Variants in ADNP2 observed in about 807,000 individuals in gnomAD.
The protein encoded by ADNP2 is activity-dependent neuroprotector homeobox protein 2.
Under a neutral mutation model 16.4 loss-of-function variants are expected in ADNP2, and 8 were observed. The ratio of observed to expected loss-of-function variants is 0.49; its 90% CI spans 0.29 to 0.88. The LOEUF (loss-of-function observed/expected upper bound fraction) is 0.88, where lower values mean the gene tolerates loss of function less well. Among genes scored for constraint, ADNP2 ranks in the 40% least tolerant of loss-of-function variants. ADNP2 has a pLI of 0.09. For missense variants in ADNP2, 1,397 were observed against 1,395.1 expected (o/e 1.00, Z -0.02); for synonymous variants, 637 against 545.8 (o/e 1.17, Z -2.33).
At chr18:80,129,226 C>T (rs1291320148) in intron 2 of ADNP2, among the ~76,000 whole-genome samples, 1 of 151,602 alleles carries the variant, frequency 6.6e-6, no homozygotes, top group Non-Finnish European at 1.5e-5. Context: ...GCCTCAGCCT[C>T]CCATGTAGCT....
intron 2 of ADNP2, among the ~76,000 whole-genome samples, chr18:80,130,319 C>G (rs923451847): frequency 6.6e-6 from 1 of 152,202 alleles, no homozygotes; most frequent in African/African-American, 2.4e-5. Flanking sequence ...TCTGAATGCA[C>G]TGTTACCTCA....
chr18:80,120,914 C>G (rs1427952341), intron 2 of ADNP2, among the ~76,000 whole-genome samples: 1 of 152,152 alleles, frequency 6.6e-6, no homozygotes, highest in East Asian at 1.9e-4. Flanking sequence ...CACCTTTTGT[C>G]TCTTGTGAAT....
intron 2 of ADNP2, among the ~76,000 whole-genome samples, chr18:80,120,991 A>G (rs1045176650): frequency 1.3e-5 from 2 of 152,150 alleles, no homozygotes; most frequent in African/African-American, 4.8e-5. Context: ...TTTTGGGTGT[A>G]TATACCTAGG....
At chr18:80,118,197 G>A (rs7231580) in intron 2 of ADNP2, among the ~76,000 whole-genome samples, 38,585 of 152,114 alleles carry the variant, frequency 0.25, 6,415 homozygotes, top group Non-Finnish European at 0.38. Context: ...GGCTGAGGTG[G>A]ATGGATCATT....
intron 2 of ADNP2, among the ~76,000 whole-genome samples, chr18:80,127,676 G>A (rs2052469598): frequency 1.3e-5 from 2 of 152,048 alleles, no homozygotes; most frequent in African/African-American, 2.4e-5. Context: ...GCTAGAGTTT[G>A]TTGTTTCCTT....
intron 2 of ADNP2, 97 bp downstream of exon 2, chr18:80,117,747 T>C (rs912066838): frequency 1.2e-6 from 1 of 869,452 alleles, no homozygotes; most frequent in Non-Finnish European, 1.8e-6. Flanking sequence ...AAATTGCTGT[T>C]ATACTTCAGA....
intron 1 of ADNP2, among the ~76,000 whole-genome samples, chr18:80,115,775 T>C (rs1448132921): frequency 6.6e-6 from 1 of 152,076 alleles, no homozygotes; most frequent in African/African-American, 2.4e-5. Flanking sequence ...GCAGCCACTG[T>C]TGTGCTTTTT....
In ADNP2 at chr18:80,139,501, CAA is replaced by C. The variant is rs950527330; in HGVS notation, c.*693_*694del. On this transcript the variant is annotated 3_prime_UTR_variant, in exon 4 of 4. Transcript: ENST00000262198. ...GTATGCTGGTATGTAGCTCATACAT[CAA>C]GAGTTATTTTACAAATAAATTTATT... is the stretch of plus-strand genomic sequence containing the variant. 2.6e-5 allele frequency: 4 copies of C among 152,072 alleles called. No individual in the cohort carries two copies. The highest frequency in any genetic ancestry group is 4.2e-4 in the South Asian group (2 of 4,792). The allele number at this position is 152,072 out of a possible 1,614,324, so 9.4% of individuals were successfully genotyped here.
Position 80,136,668 on chromosome 18 carries a change from C to A in ADNP2, c.1255C>A (p.Leu419Ile), listed in dbSNP as rs2052537870. 6.2e-7 allele frequency: 1 copy of A among 1,613,492 alleles called. No individual in the cohort carries two copies. Among genetic ancestry groups the A allele is most frequent in the Non-Finnish European group, 8.5e-7 (1 of 1,179,586 alleles). ...PINRPVGPGV[L>I]PVSPSVTPGV... ...AAACAGACCTGTTGGGCCTGGTGTTCTTCCTGTGAGCCCCTCTGTCACCCC... is the reference window on the plus strand; with the variant it reads ...AAACAGACCTGTTGGGCCTGGTGTTATTCCTGTGAGCCCCTCTGTCACCCC... Residue 419 changes from leucine to isoleucine, a missense_variant, in exon 4 of 4, where the codon CTT (leucine) becomes ATT (isoleucine). Physicochemically the swap from Leu to Ile is conservative, Grantham distance 5. This residue lies in a region of ADNP2 where 777 missense variants were observed against 719.4 expected (regional missense o/e 1.08). Transcript: ENST00000262198.
At chr18:80,123,058 A>T (rs1162199536) in intron 2 of ADNP2, among the ~76,000 whole-genome samples, 1 of 151,926 alleles carries the variant, frequency 6.6e-6, no homozygotes, top group African/African-American at 2.4e-5. Context: ...TCTTTGTGCC[A>T]ATTGTGATAA....
In ADNP2 at chr18:80,138,513, G is replaced by A. The variant is rs937743050; in HGVS notation, c.3100G>A (p.Glu1034Lys). ...SRTEGPIVKDEALQILALDPK... is the reference protein window; with the variant it reads ...SRTEGPIVKDKALQILALDPK... ...AACAGAGGGACCTATTGTCAAGGACGAGGCTCTTCAGATTTTAGCATTAGA... is the reference window on the plus strand; with the variant it reads ...AACAGAGGGACCTATTGTCAAGGACAAGGCTCTTCAGATTTTAGCATTAGA... Residue 1034 changes from glutamate to lysine, a missense_variant, in exon 4 of 4, where the codon GAG becomes AAG. Glu to Lys is a moderately conservative substitution (Grantham distance 56). Coordinates refer to ENST00000262198, the MANE Select transcript of ADNP2 (RefSeq NM_014913.4). 6 of 1,613,976 alleles carry A rather than the reference G, an allele frequency of 3.7e-6. No homozygotes were observed. The highest frequency in any genetic ancestry group is 2.2e-5 in the East Asian group (1 of 44,890).
chr18:80,120,179 A>G (rs897510387), intron 2 of ADNP2, among the ~76,000 whole-genome samples: 2 of 152,230 alleles, frequency 1.3e-5, no homozygotes, highest in African/African-American at 2.4e-5. Flanking sequence ...ATGTCCCATC[A>G]GAGTTCACTT....
rs1458987942 is a variant in ADNP2 at position 80,138,801 on chromosome 18, G to C, written c.3388G>C (p.Glu1130Gln). The C allele has an allele frequency of 1.4e-6, 2 of 1,434,522 alleles. No homozygotes were observed. The highest frequency in any genetic ancestry group is 9.1e-7 in the Non-Finnish European group (1 of 1,095,274). 88.9% of individuals were successfully genotyped at this position (1,434,522 alleles called of 1,614,324 possible). A position where few individuals can be genotyped will look rare whatever the true frequency, so the allele number is the denominator to read the frequency against. Residue 1130 changes from glutamate to glutamine, a missense_variant, in exon 4 of 4, where the codon GAA becomes CAA. Glu to Gln is a conservative substitution (Grantham distance 29, BLOSUM62 2). Transcript: ENST00000262198. ...GAAACATAGATTGAACTTTGAATATGAACCATAAAACTTGCAAAAAAAAAA... is the reference window on the plus strand; with the variant it reads ...GAAACATAGATTGAACTTTGAATATCAACCATAAAACTTGCAAAAAAAAAA... Reference protein sequence around the residue: ...NVKHRLNFEYEP With the variant: ...NVKHRLNFEYQP
In ADNP2 at chr18:80,136,753, G is replaced by C. The variant is rs749331812; in HGVS notation, c.1340G>C (p.Gly447Ala). 1.3e-5 allele frequency: 21 copies of C among 1,610,842 alleles called. No homozygotes were observed. The highest frequency in any genetic ancestry group is 1.8e-5 in the Non-Finnish European group (21 of 1,177,722). ...VLSVSRAVPS[G>A]VLPAGQMTPA... is the part of the protein sequence containing the mutation. ...TCTGTGAGTCGGGCGGTCCCGTCTG[G>C]AGTCCTTCCTGCAGGCCAGATGACT... Residue 447 changes from glycine (G) to alanine (A), a missense_variant, in exon 4 of 4, where the codon GGA (glycine) becomes GCA (alanine). By Grantham distance (60) the Gly-to-Ala change is moderately conservative. Coordinates refer to ENST00000262198, the MANE Select transcript of ADNP2 (RefSeq NM_014913.4).
chr18:80,118,642 G>A (rs1020557675), intron 2 of ADNP2, among the ~76,000 whole-genome samples: 1 of 152,082 alleles, frequency 6.6e-6, no homozygotes, highest in African/African-American at 2.4e-5. Context: ...TTATTTTTAA[G>A]TAACATGTCA....
intron 1 of ADNP2, among the ~76,000 whole-genome samples, chr18:80,110,592 A>G (rs181506168): frequency 2.6e-5 from 4 of 152,294 alleles, no homozygotes; most frequent in Non-Finnish European, 5.9e-5. Context: ...GGGAGAGAGG[A>G]CCACATGTAA....
intron 2 of ADNP2, among the ~76,000 whole-genome samples, chr18:80,124,680 TG>T (rs1352525475): frequency 1.3e-5 from 2 of 152,134 alleles, no homozygotes; most frequent in African/African-American, 2.4e-5. Context: ...CTCCCTGCCC[TG>T]GAAGTTAGCT....
At chr18:80,128,764 G>T (rs1226090387) in intron 2 of ADNP2, among the ~76,000 whole-genome samples, 1 of 152,150 alleles carries the variant, frequency 6.6e-6, no homozygotes, top group Non-Finnish European at 1.5e-5. Flanking sequence ...AAAGGTAATT[G>T]TATTAACTAT....
At chr18:80,110,782 A>G (rs1479803465) in intron 1 of ADNP2, among the ~76,000 whole-genome samples, 2 of 152,194 alleles carry the variant, frequency 1.3e-5, no homozygotes, top group African/African-American at 4.8e-5. Flanking sequence ...GTCCTTAAAC[A>G]TGAAGTGACA....
Sources: gnomAD v4.1 joint callset for allele counts (sites outside exome capture counted in the v4.1 genomes callset) on GRCh38, gnomAD v4.1.1 for gene constraint, gnomAD v4.1.1 regional missense constraint, MANE v1.5 for transcripts, NCBI Gene and HGNC (gene_info 2026-07-23, HGNC 2026-07-21) for gene names.